Variants in HTT observed in about 807,000 individuals in gnomAD.
HTT encodes huntington disease protein.
HTT carries 104 observed loss-of-function variants against 362.3 expected under a neutral mutation model. That is an observed-to-expected ratio of 0.29 (90% CI 0.24 to 0.34). HTT has a LOEUF of 0.34. Among genes scored for constraint, HTT ranks in the 10% least tolerant of loss-of-function variants. HTT has a pLI of 1.00. For synonymous variants in HTT, 1,577 were observed against 1,548.7 expected (o/e 1.02, Z -0.43); for missense variants, 3,301 against 3,928.6 (o/e 0.84, Z 4.27).
intron 16 of HTT, 57 bp from the exon 17 acceptor site, chr4:3,132,505 G>C: frequency 1.4e-6 from 2 of 1,450,578 alleles, no homozygotes; most frequent in Admixed American, 3.7e-5. Context: ...CTTTTGTTTC[G>C]AGTTAGAAAG....
Position 3,235,649 on chromosome 4 carries a change from C to A in HTT, c.8656C>A (p.Leu2886Met), listed in dbSNP as rs199535935. 6 of 1,613,758 alleles carry A rather than the reference C, an allele frequency of 3.7e-6. No homozygotes were observed. Among genetic ancestry groups the A allele is most frequent in the Non-Finnish European group, 5.1e-6 (6 of 1,180,042 alleles). Residue 2886 changes from leucine to methionine, a missense_variant, in exon 63 of 67, where the codon CTG becomes ATG. Coordinates refer to ENST00000355072, the MANE Select transcript of HTT (RefSeq NM_001388492.1). Reference sequence around the variant, plus strand: ...TGCCCTCAGAGGCCTGGAGCGCCTCCTGCTCTCTGAGCAGCTCTCCCGCCT... The same window carrying A: ...TGCCCTCAGAGGCCTGGAGCGCCTCATGCTCTCTGAGCAGCTCTCCCGCCT... ...HCALRGLERL[L>M]LSEQLSRLDA...
rs776683393 is a variant in HTT, at chr4:3,131,668, G to C, written c.2129G>C (p.Ser710Thr). Residue 710 changes from serine to threonine, a missense_variant, in exon 16 of 67, where the codon AGC becomes ACC. Ser to Thr is a moderately conservative substitution (Grantham distance 58). Coordinates refer to ENST00000355072, the MANE Select transcript of HTT (RefSeq NM_001388492.1). ...GTTCCGGACAGGGATGTGAGGGTCA[G>C]CGTGAAGGCCCTGGCCCTCAGCTGT... is the stretch of plus-strand genomic sequence containing the variant. ...VLVPDRDVRV[S>T]VKALALSCVG... 1.1e-5 allele frequency: 18 copies of C among 1,613,896 alleles called. No homozygotes were observed. The Admixed American group carries it at 2.7e-4, about 24-fold the overall frequency.
intron 18 of HTT, among the ~76,000 whole-genome samples, chr4:3,133,585 C>G (rs865902911): frequency 6.6e-6 from 1 of 150,744 alleles, no homozygotes; most frequent in Admixed American, 6.6e-5. Flanking sequence ...TTAAAGTGAG[C>G]CTTAGGGATT....
At chr4:3,105,068 A>C (rs1235057437) in intron 4 of HTT, among the ~76,000 whole-genome samples, 3 of 152,206 alleles carry the variant, frequency 2.0e-5, no homozygotes, top group Non-Finnish European at 4.4e-5. Context: ...ATCGTTATTC[A>C]GTAATTCACA....
rs1297279693 is a variant in HTT, at chr4:3,209,734, C to G, written c.6292-93C>G. On this transcript the variant is annotated intron_variant, in intron 46 of 66. Transcript: ENST00000355072. ...AGCCCTCTCAGCCTAGTGCGGTGTTCCCAAGCACTGGCCTAGGCCTGTAGC... is the reference window on the plus strand; with the variant it reads ...AGCCCTCTCAGCCTAGTGCGGTGTTGCCAAGCACTGGCCTAGGCCTGTAGC... 3 of 1,501,672 alleles carry G rather than the reference C, an allele frequency of 2.0e-6. No individual in the cohort carries two copies. The African/African-American group carries it at 4.1e-5, about 21-fold the overall frequency. 93.0% of individuals were successfully genotyped at this position (1,501,672 alleles called of 1,614,324 possible).
At position 3,075,646 on chromosome 4, in the gene HTT, GCA is replaced by G. The variant is rs200910537; in HGVS notation, c.263+559_263+560del. ...AGGACGCCTCGGCGGGAGTGGCGGG[GCA>G]GGGGGGGGGCGGGGAGTGAGGGCGC... On this transcript the variant is annotated intron_variant, in intron 1 of 66. Coordinates refer to ENST00000355072, the MANE Select transcript of HTT (RefSeq NM_001388492.1). Among the ~76,000 whole-genome samples, 33 of 125,546 alleles carry G rather than the reference GCA, an allele frequency of 2.6e-4. 1 individual carries two copies. Among genetic ancestry groups the G allele is most frequent in the East Asian group, 5.2e-4 (2 of 3,844 alleles). 82.4% of individuals were successfully genotyped at this position (125,546 alleles called of 152,430 possible).
chr4:3,091,014 A>G (rs1365019539), intron 2 of HTT, among the ~76,000 whole-genome samples: 3 of 152,234 alleles, frequency 2.0e-5, no homozygotes, highest in Admixed American at 6.5e-5. Flanking sequence ...TGGGAGGCTG[A>G]GGCAGGAGAA....
rs1345196138 is a variant in HTT, at chr4:3,206,698, A to G, written c.5898+23A>G. On this transcript the variant is annotated intron_variant, in intron 43 of 66. Transcript: ENST00000355072. This position sits in a 1 kb window ranked among gnomAD's most constrained non-coding sequence, Gnocchi z 4.6. Reference sequence around the variant, plus strand: ...ACTGTACGTCTTCATCCTGCCGACTATTGCCAGTTGCAGTTTTCCCTGCCT... The same window carrying G: ...ACTGTACGTCTTCATCCTGCCGACTGTTGCCAGTTGCAGTTTTCCCTGCCT... 1.9e-6 allele frequency: 3 copies of G among 1,601,746 alleles called. No homozygotes were observed. The highest frequency in any genetic ancestry group is 1.3e-5 in the African/African-American group (1 of 74,796).
At chr4:3,116,880 G>A (rs934716029) in intron 8 of HTT, among the ~76,000 whole-genome samples, 2 of 152,168 alleles carry the variant, frequency 1.3e-5, no homozygotes, top group Admixed American at 6.5e-5. Context: ...CTCATTTTAA[G>A]CAATTGGATT....
chr4:3,223,998 G>A lies in HTT; in HGVS notation c.7632G>A (p.Gly2544=). 1 of 1,614,130 alleles carries A rather than the reference G, an allele frequency of 6.2e-7. No homozygotes were observed. Among genetic ancestry groups the A allele is most frequent in the African/African-American group, 1.3e-5 (1 of 75,052 alleles). ...CCTTTTTTCTAAAATGTAGGTTTGG[G>A]AGGAAGCTGAGCATTATCAGAGGGA... ...KPLKALDTRF[G]RKLSIIRGIV... The change falls in exon 56 of 67, where the codon GGG becomes GGA. Residue 2544 remains glycine, a synonymous_variant. Transcript: ENST00000355072.
chr4:3,173,400 G>T (rs1718082724), intron 31 of HTT, among the ~76,000 whole-genome samples: 1 of 152,144 alleles, frequency 6.6e-6, no homozygotes, highest in Admixed American at 6.5e-5. Flanking sequence ...CACTGAGTGG[G>T]CTGAGAAGCA....
intron 1 of HTT, among the ~76,000 whole-genome samples, chr4:3,084,379 C>A (rs925941309): frequency 6.6e-6 from 1 of 151,928 alleles, no homozygotes; most frequent in Non-Finnish European, 1.5e-5. Context: ...AATAATCCAA[C>A]ACACATGACA....
intron 14 of HTT, among the ~76,000 whole-genome samples, chr4:3,130,921 C>G (rs1017506904): frequency 6.6e-6 from 1 of 152,150 alleles, no homozygotes; most frequent in Non-Finnish European, 1.5e-5. Flanking sequence ...TGGGCTTCCC[C>G]AGGCTGTTGC....
At chr4:3,207,068 A>G in intron 44 of HTT, 85 bp downstream of exon 44, 1 of 1,346,888 alleles carries the variant, frequency 7.4e-7, no homozygotes, top group East Asian at 2.5e-5. Flanking sequence ...TTTCCTCCGT[A>G]AGTATGGTCT....
rs1004472836 is a variant in HTT at position 3,187,657 on chromosome 4, G to T, written c.4996G>T (p.Val1666Leu). The T allele has an allele frequency of 6.2e-7, 1 of 1,612,528 alleles. No individual in the cohort carries two copies. The highest frequency in any genetic ancestry group is 1.6e-4 in the Middle Eastern group (1 of 6,084). The change falls in exon 39 of 67, where the codon GTG becomes TTG. Residue 1666 changes from valine to leucine, a missense_variant. By Grantham distance (32) the Val-to-Leu change is conservative. This residue lies in a region of HTT where 2,316 missense variants were observed against 2,658.5 expected (regional missense o/e 0.87). Coordinates refer to ENST00000355072, the MANE Select transcript of HTT (RefSeq NM_001388492.1). ...MFVTPNTMAS[V>L]STVQLWISGI... ...TGTATTATGTTTATTTTAGGCGTCC[G>T]TGAGCACTGTTCAACTGTGGATATC... is the stretch of plus-strand genomic sequence containing the variant.
intron 41 of HTT, chr4:3,203,011 A>G (rs1719661457): frequency 6.6e-6 from 1 of 152,216 alleles, no homozygotes; most frequent in Admixed American, 6.5e-5. Flanking sequence ...TCTCTGGGGA[A>G]AAAAGAAAGA....
At chr4:3,196,484 C>T (rs1719262576) in intron 40 of HTT, among the ~76,000 whole-genome samples, 1 of 152,152 alleles carries the variant, frequency 6.6e-6, no homozygotes, top group Admixed American at 6.5e-5. Flanking sequence ...CACCTGTAAT[C>T]CTGTGCACTT....
At chr4:3,172,528 T>C (rs1049421258) in intron 30 of HTT, 131 bp downstream of exon 30, 31 of 740,708 alleles carry the variant, frequency 4.2e-5, no homozygotes, top group Non-Finnish European at 6.8e-5. Context: ...GCAGCACTTT[T>C]TGGCTCAGTC....
chr4:3,168,255 T>G (rs1022519219), intron 29 of HTT, among the ~76,000 whole-genome samples: 1 of 152,210 alleles, frequency 6.6e-6, no homozygotes, highest in Non-Finnish European at 1.5e-5. Context: ...GTGACCTTGC[T>G]TAGGTGAAGG....
Sources: allele counts gnomAD v4.1 joint callset (sites outside exome capture counted in the v4.1 genomes callset), GRCh38; gene constraint gnomAD v4.1.1; regional missense constraint gnomAD v4.1.1; non-coding constraint Gnocchi (gnomAD v3.1); transcripts MANE v1.5; gene names NCBI Gene and HGNC (gene_info 2026-07-23, HGNC 2026-07-21).